Variants in SAMD5 observed in about 807,000 individuals in gnomAD.
SAMD5 encodes sterile alpha motif domain-containing protein 5.
SAMD5 carries 13 observed loss-of-function variants against 11.3 expected under a neutral mutation model. That is an observed-to-expected ratio of 1.15 (90% CI 0.75 to 1.83). The LOEUF (loss-of-function observed/expected upper bound fraction) is 1.83, where lower values mean the gene tolerates loss of function less well. Among genes scored for constraint, SAMD5 ranks in the 40% most tolerant of loss-of-function variants. The probability of loss-of-function intolerance (pLI) is 0.00; values close to 1 mark genes in which losing one functional copy is unlikely to be tolerated. For synonymous variants in SAMD5, 129 were observed against 111.3 expected, an observed-to-expected ratio of 1.16 and a Z score of -1.00; for missense variants, 255 against 239.1, an observed-to-expected ratio of 1.07 and a Z score of -0.44.
At chr6:147,531,287 A>G (rs1374802881) in intron 1 of SAMD5, among the ~76,000 whole-genome samples, 2 of 152,200 alleles carry the variant, frequency 1.3e-5, no homozygotes, top group South Asian at 4.1e-4. Context: ...AGTCCAGTCC[A>G]CATGTGAAAT....
the SAMD5 span, among the ~76,000 whole-genome samples, chr6:147,854,882 A>G: frequency 2.0e-5 from 3 of 152,206 alleles, no homozygotes; most frequent in East Asian, 1.9e-4. Context: ...TATTACTCCT[A>G]TAGTAGACAC....
At position 147,657,063 on chromosome 6, in the gene SAMD5, C is replaced by T. The variant is rs181412259; in HGVS notation, c.163-80254C>T. Among the ~76,000 whole-genome samples the T allele has an allele frequency of 7.2e-5, 11 of 152,058 alleles. No individual in the cohort carries two copies. In the East Asian group the frequency reaches 2.1e-3, roughly 29 times the overall value. On this transcript the variant is annotated intron_variant, in intron 1 of 1. Coordinates refer to the SAMD5 transcript ENST00000566741. ...TTTATACGCACTGTGTATTAGGCAG[C>T]TGTAAAAAATATGAGGAATTTTCAC...
the SAMD5 span, among the ~76,000 whole-genome samples, chr6:147,830,095 A>G: frequency 6.6e-6 from 1 of 152,028 alleles, no homozygotes; most frequent in East Asian, 1.9e-4. Context: ...CTCTTGGGTT[A>G]GAAGTGATTT....
chr6:147,642,073 A>C (rs1790320685), intron 1 of SAMD5, among the ~76,000 whole-genome samples: 1 of 152,196 alleles, frequency 6.6e-6, no homozygotes, highest in Non-Finnish European at 1.5e-5. Context: ...CTTTTGTTTA[A>C]TGGAAAGTGA....
intron 1 of SAMD5, among the ~76,000 whole-genome samples, chr6:147,533,096 G>A (rs1309735666): frequency 1.3e-5 from 2 of 152,254 alleles, no homozygotes; most frequent in African/African-American, 4.8e-5. Context: ...GGGGCTGGCG[G>A]TGCCAGCAGA....
the SAMD5 span, among the ~76,000 whole-genome samples, chr6:147,845,073 C>T: frequency 6.6e-6 from 1 of 152,044 alleles, no homozygotes. Context: ...GCATTGTATA[C>T]ACGTATCAAG....
the SAMD5 span, among the ~76,000 whole-genome samples, chr6:147,833,364 A>C: frequency 2.0e-5 from 3 of 152,248 alleles, no homozygotes; most frequent in South Asian, 6.2e-4. Context: ...GAGCTAAAAG[A>C]AATCATGGAT....
chr6:147,734,534 G>A (rs2128460257), intron 1 of SAMD5, among the ~76,000 whole-genome samples: 1 of 151,848 alleles, frequency 6.6e-6, no homozygotes, highest in South Asian at 2.1e-4. Context: ...GACTAACACT[G>A]TGAAACCCCG....
the SAMD5 span, among the ~76,000 whole-genome samples, chr6:147,920,069 A>G: frequency 6.6e-6 from 1 of 152,190 alleles, no homozygotes; most frequent in African/African-American, 2.4e-5. Flanking sequence ...GTTACCATTG[A>G]GCATCAACTT....
At chr6:147,951,655 ATATT>A in the SAMD5 span, among the ~76,000 whole-genome samples, 5 of 152,208 alleles carry the variant, frequency 3.3e-5, no homozygotes, top group African/African-American at 1.2e-4. Context: ...AATAAAAATG[ATATT>A]TATTTTATTT....
chr6:147,779,558 C>T, the SAMD5 span, among the ~76,000 whole-genome samples: 5 of 150,524 alleles, frequency 3.3e-5, no homozygotes, highest in Non-Finnish European at 5.9e-5. Context: ...TGCAATGGCA[C>T]AATCTCGGCT....
chr6:147,837,781 A>G, the SAMD5 span, among the ~76,000 whole-genome samples: 1 of 152,098 alleles, frequency 6.6e-6, no homozygotes, highest in Non-Finnish European at 1.5e-5. Flanking sequence ...AAAACCTTGG[A>G]GTAGGGTTTT....
the SAMD5 span, among the ~76,000 whole-genome samples, chr6:147,793,028 T>A: frequency 1.3e-5 from 2 of 152,210 alleles, no homozygotes; most frequent in African/African-American, 2.4e-5. Context: ...ATATCCCCAT[T>A]CTTTAAGTGT....
At chr6:147,776,497 G>A in the SAMD5 span, among the ~76,000 whole-genome samples, 38 of 151,964 alleles carry the variant, frequency 2.5e-4, no homozygotes, top group African/African-American at 8.5e-4. Context: ...TTAAAATGAT[G>A]GTTTCAAAAA....
At chr6:147,636,895 C>G (rs1018207822) in intron 1 of SAMD5, among the ~76,000 whole-genome samples, 2 of 149,670 alleles carry the variant, frequency 1.3e-5, no homozygotes, top group African/African-American at 4.9e-5. Context: ...TCAGTTCAGA[C>G]CACACAATAG....
At chr6:147,741,639 G>C (rs950572548), downstream of SAMD5, 5 of 152,174 alleles carry the variant, frequency 3.3e-5, no homozygotes, top group African/African-American at 1.2e-4. Flanking sequence ...CCCATGCGCC[G>C]TTTCCAAGGG....
chr6:147,655,686 C>G (rs1300545393), intron 1 of SAMD5, among the ~76,000 whole-genome samples: 2 of 152,130 alleles, frequency 1.3e-5, no homozygotes, highest in African/African-American at 4.8e-5. Flanking sequence ...GTTAAGTAAA[C>G]AGAGAGGTTG....
the SAMD5 span, among the ~76,000 whole-genome samples, chr6:147,824,364 T>C: frequency 8.5e-5 from 13 of 152,360 alleles, no homozygotes; most frequent in Admixed American, 7.2e-4. Context: ...TAAATGTTTT[T>C]AAACGATGAG....
the SAMD5 span, among the ~76,000 whole-genome samples, chr6:147,743,808 A>G: frequency 3.9e-5 from 6 of 152,366 alleles, no homozygotes; most frequent in African/African-American, 7.2e-5. Context: ...ATGTTAATTC[A>G]TAAGTAATAT....
Sources: allele counts gnomAD v4.1 joint callset (sites outside exome capture counted in the v4.1 genomes callset), GRCh38; gene constraint gnomAD v4.1.1; transcripts MANE v1.5; gene names NCBI Gene and HGNC (gene_info 2026-07-23, HGNC 2026-07-21).